The following SSTR3 variants were observed in gnomAD, a reference collection of about 807,000 sequenced individuals.
SSTR3 encodes somatostatin receptor 3, also known as somatostatin receptor type 3.
For missense variants in SSTR3, 504 were observed against 604.7 expected (o/e 0.83, Z 1.75); for synonymous variants, 281 against 269.2 (o/e 1.04, Z -0.43).
At chr22:37,207,946 C>T (rs553140415) in intron 1 of SSTR3, 107 bp from the exon 2 acceptor site, 386 of 1,344,812 alleles carry the variant, frequency 2.9e-4, no homozygotes, top group Middle Eastern at 1.1e-3. Context: ...ATCCTCCCAT[C>T]GTCTGAGAGA....
At chr22:37,214,505 G>T (rs758934856), upstream of SSTR3, among the ~76,000 whole-genome samples, 6 of 152,138 alleles carry the variant, frequency 3.9e-5, no homozygotes, top group Non-Finnish European at 8.8e-5. Context: ...TTTGGGTCTT[G>T]GTCATTTGGG....
chr22:37,211,077 C>T, intron 1 of SSTR3: 1 of 684,108 alleles, frequency 1.5e-6, no homozygotes, highest in Non-Finnish European at 1.8e-6. Flanking sequence ...GAGTGGGAAG[C>T]CAGAATTCGA....
Position 37,207,074 on chromosome 22 carries a change from A to G in SSTR3, c.730T>C (p.Ser244Pro). ...RSAGRRVWAPSCQRRRRSERR... is the reference protein window; with the variant it reads ...RSAGRRVWAPPCQRRRRSERR... ...TCGGAGCGCCGCCGCCGCTGGCACGAGGGTGCCCACACCCGGCGCCCAGCT... is the reference window on the plus strand; with the variant it reads ...TCGGAGCGCCGCCGCCGCTGGCACGGGGGTGCCCACACCCGGCGCCCAGCT... The change falls in exon 2 of 2, where the codon TCG becomes CCG. Residue 244 changes from serine to proline, a missense_variant. By Grantham distance (74) the Ser-to-Pro change is moderately conservative (BLOSUM62 -1). Coordinates refer to ENST00000610913, the MANE Select transcript of SSTR3 (RefSeq NM_001051.5). 3.1e-6 allele frequency: 5 copies of G among 1,612,282 alleles called. No individual in the cohort carries two copies. The highest frequency in any genetic ancestry group is 4.2e-6 in the Non-Finnish European group (5 of 1,179,526).
At chr22:37,220,014 T>C in the SSTR3 span, among the ~76,000 whole-genome samples, 3 of 152,198 alleles carry the variant, frequency 2.0e-5, no homozygotes, top group Non-Finnish European at 4.4e-5. Flanking sequence ...CAGGACTCAC[T>C]AGGGCCTTAG....
the SSTR3 span, among the ~76,000 whole-genome samples, chr22:37,218,447 C>T: frequency 6.6e-6 from 1 of 152,172 alleles, no homozygotes; most frequent in Non-Finnish European, 1.5e-5. Flanking sequence ...CCCAGCTACT[C>T]AGGAGGCTGA....
At position 37,206,503 on chromosome 22, in the gene SSTR3, G is replaced by T; in HGVS notation, c.*44C>A. The stretch of plus-strand genomic sequence containing the variant: ...GGAAGTAGGCCCTAGGCACACCCAC[G>T]GCTTCTGCCTCTTCCTCGGGCCATC... On this transcript the variant is annotated 3_prime_UTR_variant, in exon 2 of 2. Transcript: ENST00000610913. 1 of 1,552,238 alleles carries T rather than the reference G, an allele frequency of 6.4e-7. No homozygotes were observed. The highest frequency in any genetic ancestry group is 1.2e-5 in the South Asian group (1 of 82,576).
intron 1 of SSTR3, among the ~76,000 whole-genome samples, chr22:37,209,731 G>A (rs1926075129): frequency 6.6e-6 from 1 of 152,208 alleles, no homozygotes. Context: ...GGGCAAATCT[G>A]GAAAGATCTG....
rs557577183 is a variant in SSTR3 at position 37,204,735 on chromosome 22, A to G, written c.*1812T>C. 7.2e-5 allele frequency: 11 copies of G among 152,376 alleles called. No homozygotes were observed. Among genetic ancestry groups the G allele is most frequent in the African/African-American group, 2.4e-4 (10 of 41,578 alleles). 9.4% of individuals were successfully genotyped at this position (152,376 alleles called of 1,614,324 possible). On this transcript the variant is annotated 3_prime_UTR_variant, in exon 2 of 2. Transcript: ENST00000610913. Reference sequence around the variant, plus strand: ...GCAGTGAGCCTGGAAGTTACCTCACATGACTCATTTTCTCGTTAGATCCCA... The same window carrying G: ...GCAGTGAGCCTGGAAGTTACCTCACGTGACTCATTTTCTCGTTAGATCCCA...
chr22:37,207,417 G>T lies in SSTR3; in HGVS notation c.387C>A (p.Thr129=), dbSNP rs951743179. 3 of 1,613,368 alleles carry T rather than the reference G, an allele frequency of 1.9e-6. No homozygotes were observed. The East Asian group carries it at 6.7e-5, about 36-fold the overall frequency. Residue 129 remains threonine (T), a synonymous_variant, in exon 2 of 2, where the codon ACC becomes ACA. Coordinates refer to ENST00000610913, the MANE Select transcript of SSTR3 (RefSeq NM_001051.5). ...VMAVDGINQF[T]SIFCLTVMSV... is the part of the protein sequence containing the mutation. ...TCATGACAGTCAGGCAGAATATGCT[G>T]GTGAACTGGTTGATGCCATCCACCG... is the stretch of plus-strand genomic sequence containing the variant.
chr22:37,213,902 A>G (rs553745272), upstream of SSTR3, among the ~76,000 whole-genome samples: 1 of 152,112 alleles, frequency 6.6e-6, no homozygotes, highest in Non-Finnish European at 1.5e-5. Flanking sequence ...GTATTCATTC[A>G]CTTATTCCTG....
chr22:37,216,797 T>A (rs561146970), upstream of SSTR3, among the ~76,000 whole-genome samples: 229 of 150,860 alleles, frequency 1.5e-3, 1 homozygote, highest in African/African-American at 5.2e-3. Flanking sequence ...GGGGTTTTTT[T>A]GTTTTGTTTT....
rs367723100 is a variant in SSTR3, at chr22:37,207,780, C to T, written c.24G>A (p.Ser8=). The T allele has an allele frequency of 2.4e-5, 36 of 1,510,916 alleles. No individual in the cohort carries two copies. The highest frequency in any genetic ancestry group is 1.6e-4 in the East Asian group (7 of 43,586). The allele number at this position is 1,510,916 out of a possible 1,614,324, so 93.6% of individuals were successfully genotyped here. The change falls in exon 2 of 2, where the codon TCG becomes TCA. Residue 8 remains serine, a synonymous_variant. Transcript: ENST00000610913. MDMLHPS[S]VSTTSEPENA... ...TCTCAGGTTCTGAGGTCGTGGACAC[C>T]GATGATGGATGAAGCATGTCCATGG...
chr22:37,214,702 CAG>C (rs1311420120), upstream of SSTR3, among the ~76,000 whole-genome samples: 3 of 152,176 alleles, frequency 2.0e-5, no homozygotes, highest in African/African-American at 7.2e-5. Context: ...CCCTACTCAG[CAG>C]AGAGAGTGAG....
Position 37,210,951 on chromosome 22 carries a change from G to A in SSTR3, c.-37+874C>T, listed in dbSNP as rs2145806448. ...CAAGGTGGGACATTGTCCCCGGATG[G>A]AAGCCTCAGACTCACATCATGAGAT... On this transcript the variant is annotated intron_variant, in intron 1 of 1. Transcript: ENST00000610913. 7 of 985,490 alleles carry A rather than the reference G, an allele frequency of 7.1e-6. No homozygotes were observed. The South Asian group carries it at 3.3e-4, about 46-fold the overall frequency. The allele number at this position is 985,490 out of a possible 1,614,324, so 61.0% of individuals were successfully genotyped here.
At position 37,204,760 on chromosome 22, in the gene SSTR3, A is replaced by C. The variant is rs1157822995; in HGVS notation, c.*1787T>G. ...ATGACTCATTTTCTCGTTAGATCCC[A>C]GGAGGCAGCCAAGCTGGGATTCATC... On this transcript the variant is annotated 3_prime_UTR_variant, in exon 2 of 2. Transcript: ENST00000610913. 1 of 152,312 alleles carries C rather than the reference A, an allele frequency of 6.6e-6. No individual in the cohort carries two copies. Among genetic ancestry groups the C allele is most frequent in the African/African-American group, 2.4e-5 (1 of 41,458 alleles). 9.4% of individuals were successfully genotyped at this position (152,312 alleles called of 1,614,324 possible).
In SSTR3 at chr22:37,211,018, G is replaced by A. The variant is rs968759073; in HGVS notation, c.-37+807C>T. 3.1e-6 allele frequency: 3 copies of A among 980,432 alleles called. No individual in the cohort carries two copies. The African/African-American group carries it at 5.2e-5, about 17-fold the overall frequency. 60.7% of individuals were successfully genotyped at this position (980,432 alleles called of 1,614,324 possible). A position where few individuals can be genotyped will look rare whatever the true frequency, so the allele number is the denominator to read the frequency against. ...AGGGAGAGTTTTTAGAGAGGAAGAA[G>A]TTGAGGCTCAGAGAGGTTGAGTAAG... On this transcript the variant is annotated intron_variant, in intron 1 of 1. Transcript: ENST00000610913.
At chr22:37,213,208 C>T (rs573475188), upstream of SSTR3, among the ~76,000 whole-genome samples, 5 of 152,284 alleles carry the variant, frequency 3.3e-5, no homozygotes, top group African/African-American at 4.8e-5. Context: ...GGATTTGCCC[C>T]GTGGGCCATA....
chr22:37,218,957 T>C, the SSTR3 span, among the ~76,000 whole-genome samples: 1 of 152,102 alleles, frequency 6.6e-6, no homozygotes, highest in East Asian at 1.9e-4. Context: ...ATCTTTTCTG[T>C]CTCCAAAGCC....
chr22:37,204,384 G>A lies in SSTR3; in HGVS notation c.*2163C>T, dbSNP rs941016204. On this transcript the variant is annotated 3_prime_UTR_variant, in exon 2 of 2. Coordinates refer to ENST00000610913, the MANE Select transcript of SSTR3 (RefSeq NM_001051.5). ...TCAGCCAGAGAAGGCCAGAAGGCCAGGGCATCCTTCCTCCCTTGGACCCTC... is the reference window on the plus strand; with the variant it reads ...TCAGCCAGAGAAGGCCAGAAGGCCAAGGCATCCTTCCTCCCTTGGACCCTC... The A allele has an allele frequency of 2.6e-5, 4 of 152,374 alleles. No individual in the cohort carries two copies. The highest frequency in any genetic ancestry group is 4.4e-5 in the Non-Finnish European group (3 of 68,134). 9.4% of individuals were successfully genotyped at this position (152,374 alleles called of 1,614,324 possible).
Sources: gnomAD v4.1 joint callset for allele counts (sites outside exome capture counted in the v4.1 genomes callset) on GRCh38, gnomAD v4.1.1 for gene constraint, MANE v1.5 for transcripts, NCBI Gene and HGNC (gene_info 2026-07-23, HGNC 2026-07-21) for gene names.